Variants in CMAS observed in about 807,000 individuals in gnomAD.
The protein encoded by CMAS is N-acylneuraminate cytidylyltransferase.
Under a neutral mutation model 53.4 loss-of-function variants are expected in CMAS, and 21 were observed. The observed-to-expected ratio is 0.39, with a 90% CI of 0.28 to 0.57. The LOEUF (loss-of-function observed/expected upper bound fraction) is 0.57. Ranked by LOEUF, CMAS falls within the 20% of genes least tolerant of loss-of-function variation. The probability of loss-of-function intolerance (pLI) is 0.56; values close to 1 mark genes in which losing one functional copy is unlikely to be tolerated. For synonymous variants in CMAS, 189 were observed against 195.2 expected, an observed-to-expected ratio of 0.97 and a Z score of 0.27; for missense variants, 384 against 534.9, an observed-to-expected ratio of 0.72 and a Z score of 2.78.
At chr12:22,056,464 A>C (rs1351544370) in intron 3 of CMAS, among the ~76,000 whole-genome samples, 1 of 152,220 alleles carries the variant, frequency 6.6e-6, no homozygotes, top group East Asian at 1.9e-4. Context: ...ACTTTGATTC[A>C]ATTAGGAGTT....
intron 4 of CMAS, among the ~76,000 whole-genome samples, chr12:22,059,017 T>A (rs529828295): frequency 6.6e-6 from 1 of 152,048 alleles, no homozygotes; most frequent in South Asian, 2.1e-4. Flanking sequence ...GTTTGTGTTA[T>A]AGTTATATTG....
intron 6 of CMAS, among the ~76,000 whole-genome samples, chr12:22,061,798 T>C (rs11046284): frequency 0.012 from 1,870 of 152,308 alleles, 38 homozygotes; most frequent in African/African-American, 0.043. Flanking sequence ...TTTTAAAATC[T>C]AGCTTATTCT....
At position 22,065,144 on chromosome 12, in the gene CMAS, T is replaced by G; in HGVS notation, c.1138T>G (p.Cys380Gly). 1 of 1,613,132 alleles carries G rather than the reference T, an allele frequency of 6.2e-7. No individual in the cohort carries two copies. Among genetic ancestry groups the G allele is most frequent in the Admixed American group, 1.7e-5 (1 of 59,896 alleles). The change falls in exon 8 of 8, where the codon TGC (cysteine) becomes GGC (glycine). Residue 380 changes from cysteine (C) to glycine (G), a missense_variant. Cys to Gly is a radical substitution (Grantham distance 159, BLOSUM62 -3). Around this residue, in one of 3 missense-constraint regions of CMAS, gnomAD observed 134 missense variants for 154.6 expected, o/e 0.87. Transcript: ENST00000229329. ...AGGAAATGAAGTGTCTGATGAAGAG[T>G]GCTTGAAGAGAGTGGGCCTAAGTGG... is the stretch of plus-strand genomic sequence containing the variant. ...YLGNEVSDEE[C>G]LKRVGLSGAP...
intron 1 of CMAS, among the ~76,000 whole-genome samples, chr12:22,053,016 GAGC>G (rs1158204323): frequency 3.9e-5 from 6 of 152,102 alleles, no homozygotes; most frequent in African/African-American, 1.4e-4. Context: ...CAGTTCAGCC[GAGC>G]GTGGTGGCTT....
intron 1 of CMAS, among the ~76,000 whole-genome samples, chr12:22,049,048 G>C (rs1443333927): frequency 6.6e-6 from 1 of 152,120 alleles, no homozygotes; most frequent in Non-Finnish European, 1.5e-5. Context: ...TAACACTTTA[G>C]TCACCGATTT....
At chr12:22,047,855 AACTAAAAAGG>A (rs1950216645) in intron 1 of CMAS, among the ~76,000 whole-genome samples, 1 of 152,230 alleles carries the variant, frequency 6.6e-6, no homozygotes, top group African/African-American at 2.4e-5. Flanking sequence ...AAAGGGTACA[AACTAAAAAGG>A]ACTGAGAGAA....
chr12:22,058,437 A>G (rs1378316459), intron 3 of CMAS, 130 bp from the exon 4 acceptor site: 3 of 800,338 alleles, frequency 3.7e-6, no homozygotes, highest in East Asian at 3.0e-5. Flanking sequence ...AAAAAAAAAA[A>G]GAAAAGTTCT....
intron 7 of CMAS, 62 bp downstream of exon 7, chr12:22,062,496 TA>T: frequency 6.5e-7 from 1 of 1,529,282 alleles, no homozygotes; most frequent in East Asian, 2.3e-5. Flanking sequence ...TACTTATTTT[TA>T]AAGAAATGAC....
At chr12:22,054,110 A>G (rs1950253611) in intron 1 of CMAS, among the ~76,000 whole-genome samples, 1 of 151,784 alleles carries the variant, frequency 6.6e-6, no homozygotes, top group Non-Finnish European at 1.5e-5. Flanking sequence ...TATGTTTAGT[A>G]GAGTCCGGGT....
At position 22,062,262 on chromosome 12, in the gene CMAS, T is replaced by C. The variant is rs1365486688; in HGVS notation, c.961-19T>C. The C allele has an allele frequency of 4.0e-6, 1 of 248,528 alleles. No individual in the cohort carries two copies. The highest frequency in any genetic ancestry group is 4.8e-6 in the Non-Finnish European group (1 of 206,780). 15.4% of individuals were successfully genotyped at this position (248,528 alleles called of 1,614,324 possible). On this transcript the variant is annotated intron_variant, in intron 6 of 7. Coordinates refer to ENST00000229329, the MANE Select transcript of CMAS (RefSeq NM_018686.6). ...ATTTTTCCCTTCTTCCTCCAATCCT[T>C]TTTTTTTTTTTTTTTAAGGTGAGGC...
At chr12:22,058,072 C>T (rs1239946017) in intron 3 of CMAS, among the ~76,000 whole-genome samples, 1 of 151,578 alleles carries the variant, frequency 6.6e-6, no homozygotes, top group Non-Finnish European at 1.5e-5. Context: ...AGTGATCCGC[C>T]CGCCTTGGCC....
chr12:22,048,799 A>G (rs952889573), intron 1 of CMAS, among the ~76,000 whole-genome samples: 3 of 152,122 alleles, frequency 2.0e-5, no homozygotes, highest in Non-Finnish European at 4.4e-5. Flanking sequence ...CCTTGCTTCA[A>G]CTTGCTCAGT....
At chr12:22,055,702 G>C (rs1225040036) in intron 3 of CMAS, 92 bp downstream of exon 3, 6 of 1,055,408 alleles carry the variant, frequency 5.7e-6, no homozygotes, top group Middle Eastern at 2.8e-4. Flanking sequence ...AGAGTAAAAG[G>C]GGAGCTGTAA....
chr12:22,046,498 C>A lies in CMAS; in HGVS notation c.195C>A (p.His65Gln). Residue 65 changes from histidine to glutamine, a missense_variant, in exon 1 of 8, where the codon CAC (histidine) becomes CAA (glutamine). Around this residue, in one of 3 missense-constraint regions of CMAS, gnomAD observed 111 missense variants for 132.2 expected, o/e 0.84. Transcript: ENST00000229329. ...SKGIPLKNIK[H>Q]LAGVPLIGWV... Reference sequence around the variant, plus strand: ...GCATCCCCCTGAAGAACATTAAGCACCTGGCGGGGGTCCCGCTCATTGGCT... The same window carrying A: ...GCATCCCCCTGAAGAACATTAAGCAACTGGCGGGGGTCCCGCTCATTGGCT... 6.2e-7 allele frequency: 1 copy of A among 1,608,448 alleles called. No individual in the cohort carries two copies. The highest frequency in any genetic ancestry group is 1.7e-5 in the Admixed American group (1 of 59,400).
At chr12:22,062,493 T>G (rs1950315279) in intron 7 of CMAS, 59 bp downstream of exon 7, 6 of 1,541,162 alleles carry the variant, frequency 3.9e-6, no homozygotes, top group Non-Finnish European at 5.3e-6. Context: ...ATTTACTTAT[T>G]TTTAAAGAAA....
intron 5 of CMAS, 134 bp from the exon 6 acceptor site, chr12:22,061,147 T>C (rs771833960): frequency 2.8e-6 from 2 of 721,112 alleles, no homozygotes; most frequent in Admixed American, 2.6e-5. Context: ...TTAAAATATA[T>C]ATGTGAAGTA....
intron 7 of CMAS, among the ~76,000 whole-genome samples, chr12:22,063,438 G>A (rs1463642791): frequency 6.6e-6 from 1 of 152,024 alleles, no homozygotes; most frequent in Non-Finnish European, 1.5e-5. Context: ...ATCTTTCTTT[G>A]GGATGTTAAG....
At position 22,051,761 on chromosome 12, in the gene CMAS, G is replaced by A. The variant is rs188479113; in HGVS notation, c.261-3388G>A. On this transcript the variant is annotated intron_variant, in intron 1 of 7. Transcript: ENST00000229329. Reference sequence around the variant, plus strand: ...CAAATTAGACATTTGGACCTTTGAAGGTCTGGAAGCAGAACTTCAGTCTAC... The same window carrying A: ...CAAATTAGACATTTGGACCTTTGAAAGTCTGGAAGCAGAACTTCAGTCTAC... Among the ~76,000 whole-genome samples, 19 of 152,224 alleles carry A rather than the reference G, an allele frequency of 1.2e-4. No individual in the cohort carries two copies. The East Asian group carries it at 3.7e-3, about 29-fold the overall frequency.
At chr12:22,063,390 T>A (rs962845349) in intron 7 of CMAS, among the ~76,000 whole-genome samples, 3 of 152,192 alleles carry the variant, frequency 2.0e-5, no homozygotes, top group Non-Finnish European at 2.9e-5. Flanking sequence ...AGAAGAAAAT[T>A]TTAGTGGAAT....
Sources: allele counts gnomAD v4.1 joint callset (sites outside exome capture counted in the v4.1 genomes callset), GRCh38; gene constraint gnomAD v4.1.1; regional missense constraint gnomAD v4.1.1; transcripts MANE v1.5; gene names NCBI Gene and HGNC (gene_info 2026-07-23, HGNC 2026-07-21).